MON2: variants seen among roughly 807,000 people sequenced by gnomAD.
MON2 encodes the protein protein MON2 homolog.
In MON2, 84 loss-of-function variants were observed where a neutral mutation model predicts 208.6. That is an observed-to-expected ratio of 0.40 (90% CI 0.34 to 0.48). The LOEUF is 0.48. Among genes scored for constraint, MON2 ranks in the 20% least tolerant of loss-of-function variants. The pLI is 0.59. For synonymous variants in MON2, 660 were observed against 694.0 expected, an observed-to-expected ratio of 0.95 and a Z score of 0.77; for missense variants, 1,611 against 2,015.4, an observed-to-expected ratio of 0.80 and a Z score of 3.84.
chr12:62,546,784 T>C (rs1173033938), intron 21 of MON2, 113 bp from the exon 22 acceptor site: 10 of 757,172 alleles, frequency 1.3e-5, no homozygotes, highest in South Asian at 8.2e-5. Context: ...CATAAAAATA[T>C]CTATTTCCCA....
rs533662479 is a variant in MON2, at chr12:62,519,972, C to A, written c.985-4543C>A. 8.1e-4 allele frequency among the ~76,000 whole-genome samples: 124 copies of A among 152,322 alleles called. 1 individual carries two copies. The highest frequency in any genetic ancestry group is 2.9e-3 in the African/African-American group (119 of 41,570). On this transcript the variant is annotated intron_variant, in intron 8 of 34. Coordinates refer to ENST00000393630, the MANE Select transcript of MON2 (RefSeq NM_015026.3). ...CTGGGACTACTGGCGCCTGCCACCA[C>A]GCCCGGCTAATTTTTTGTATTTTCA...
intron 27 of MON2, 182 bp from the exon 28 acceptor site, chr12:62,565,832 A>T: frequency 1.8e-6 from 1 of 546,892 alleles, no homozygotes; most frequent in Non-Finnish European, 3.2e-6. Context: ...TTTTATATAA[A>T]ATATTTTTAT....
chr12:62,500,786 T>C lies in MON2; in HGVS notation c.569T>C (p.Ile190Thr), dbSNP rs1213108928. The change falls in exon 6 of 35, where the codon ATT (isoleucine) becomes ACT (threonine). Residue 190 changes from isoleucine (I) to threonine (T), a missense_variant. Ile to Thr is a moderately conservative substitution (Grantham distance 89). Coordinates refer to ENST00000393630, the MANE Select transcript of MON2 (RefSeq NM_015026.3). ...MVAEDERHRD[I>T]IEQPVLVQGN... ...ACCCATCCTGTTTTGATTGCAGATA[T>C]TATAGAACAACCAGTACTGGTACAA... 1.3e-6 allele frequency: 2 copies of C among 1,559,726 alleles called. No individual in the cohort carries two copies. The highest frequency in any genetic ancestry group is 1.2e-5 in the South Asian group (1 of 83,860).
rs533500692 is a variant in MON2, at chr12:62,519,147, G to A, written c.985-5368G>A. Among the ~76,000 whole-genome samples, 6 of 152,232 alleles carry A rather than the reference G, an allele frequency of 3.9e-5. No individual in the cohort carries two copies. The South Asian group carries it at 1.2e-3, about 32-fold the overall frequency. On this transcript the variant is annotated intron_variant, in intron 8 of 34. Transcript: ENST00000393630. ...TTAATAAATAACCATGTGGAAGAGGGGGTGCTACCATTCAAAACACCCCGA... is the reference window on the plus strand; with the variant it reads ...TTAATAAATAACCATGTGGAAGAGGAGGTGCTACCATTCAAAACACCCCGA...
In MON2 at chr12:62,566,348, G is replaced by A. The variant is rs777161218; in HGVS notation, c.4221G>A (p.Val1407=). 4 of 1,613,310 alleles carry A rather than the reference G, an allele frequency of 2.5e-6. No individual in the cohort carries two copies. The South Asian group carries it at 3.3e-5, about 13-fold the overall frequency. Residue 1407 remains valine, a synonymous_variant, in exon 29 of 35, where the codon GTG becomes GTA. Transcript: ENST00000393630. ...APAEWVALNY[V]PFAERSLEVV... is the part of the protein sequence containing the mutation. The stretch of plus-strand genomic sequence containing the variant: ...CGGAATGGGTAGCCTTGAATTATGT[G>A]CCGTTTGCTGAAAGGTCTTTAGAAG...
chr12:62,537,070 A>C (rs2073011144), intron 14 of MON2, 81 bp from the exon 15 acceptor site: 4 of 809,304 alleles, frequency 4.9e-6, no homozygotes, highest in Non-Finnish European at 7.4e-6. Flanking sequence ...AACTTGGTTT[A>C]ATCAAACTTT....
At chr12:62,475,484 A>G (rs2069021980) in intron 1 of MON2, among the ~76,000 whole-genome samples, 1 of 152,036 alleles carries the variant, frequency 6.6e-6, no homozygotes, top group Non-Finnish European at 1.5e-5. Flanking sequence ...CTTTAAAAAA[A>G]AAAATTAATC....
intron 4 of MON2, among the ~76,000 whole-genome samples, chr12:62,496,307 T>C (rs2070483847): frequency 6.6e-6 from 1 of 152,154 alleles, no homozygotes; most frequent in Non-Finnish European, 1.5e-5. Context: ...ATGTTTTCAT[T>C]TGATCTACTA....
chr12:62,508,539 A>G, intron 8 of MON2, 59 bp downstream of exon 8: 1 of 1,518,264 alleles, frequency 6.6e-7, no homozygotes, highest in Non-Finnish European at 9.1e-7. Context: ...CCCTTTGTAA[A>G]AAGTGGTCTG....
chr12:62,541,808 C>T (rs1056608056), intron 19 of MON2, among the ~76,000 whole-genome samples: 6 of 152,058 alleles, frequency 3.9e-5, no homozygotes, highest in African/African-American at 1.4e-4. Context: ...CTTTGGATAC[C>T]TATACATATT....
In MON2 at chr12:62,592,807, G is replaced by T; in HGVS notation, c.*58G>T. ...GTCTAAAAAATGTTTGCTCCTAATT[G>T]AGTCTTCTGTGAGAAGGACATTTCT... is the stretch of plus-strand genomic sequence containing the variant. On this transcript the variant is annotated 3_prime_UTR_variant, in exon 35 of 35. Transcript: ENST00000393630. The T allele has an allele frequency of 3.4e-6, 5 of 1,471,988 alleles. No individual in the cohort carries two copies. In the South Asian group the frequency reaches 4.1e-5, roughly 12 times the overall value. The allele number at this position is 1,471,988 out of a possible 1,614,324, so 91.2% of individuals were successfully genotyped here.
intron 7 of MON2, among the ~76,000 whole-genome samples, chr12:62,504,401 C>A (rs1477563608): frequency 6.6e-6 from 1 of 151,706 alleles, no homozygotes; most frequent in Non-Finnish European, 1.5e-5. Flanking sequence ...CCCGCCACCA[C>A]GCCCGGCTAA....
chr12:62,472,394 G>A (rs750862461), intron 1 of MON2, among the ~76,000 whole-genome samples: 5 of 152,182 alleles, frequency 3.3e-5, no homozygotes, highest in Non-Finnish European at 5.9e-5. Flanking sequence ...TCAGAATTAG[G>A]GAATTGGATA....
chr12:62,518,713 G>A (rs2071833766), intron 8 of MON2, among the ~76,000 whole-genome samples: 1 of 152,162 alleles, frequency 6.6e-6, no homozygotes, highest in African/African-American at 2.4e-5. Flanking sequence ...GGAAGAGGAA[G>A]GCCTGTTTTC....
At chr12:62,579,470 T>C (rs916858384) in intron 31 of MON2, among the ~76,000 whole-genome samples, 1 of 151,604 alleles carries the variant, frequency 6.6e-6, no homozygotes, top group Non-Finnish European at 1.5e-5. Context: ...ACACCTGTAA[T>C]CTCAGCACTT....
chr12:62,578,646 C>A, intron 31 of MON2, 141 bp downstream of exon 31: 1 of 565,008 alleles, frequency 1.8e-6, no homozygotes, highest in South Asian at 2.9e-5. Flanking sequence ...ACAGGTTAAA[C>A]GTTGATGTTT....
intron 3 of MON2, among the ~76,000 whole-genome samples, chr12:62,494,715 A>G (rs1469990760): frequency 2.0e-5 from 3 of 152,222 alleles, no homozygotes; most frequent in Non-Finnish European, 4.4e-5. Flanking sequence ...TTCATGTCCA[A>G]ATACAATCTA....
At chr12:62,553,279 C>T (rs1259701311) in intron 24 of MON2, 105 bp downstream of exon 24, 4 of 1,105,418 alleles carry the variant, frequency 3.6e-6, no homozygotes, top group Admixed American at 2.4e-5. Flanking sequence ...AATTTCCATG[C>T]ATTTGTGTAT....
intron 31 of MON2, among the ~76,000 whole-genome samples, chr12:62,578,945 A>T (rs554915222): frequency 6.6e-6 from 1 of 152,170 alleles, no homozygotes; most frequent in East Asian, 1.9e-4. Flanking sequence ...TTTAAAGAAT[A>T]TATTTTGAGG....
Sources: allele counts gnomAD v4.1 joint callset (sites outside exome capture counted in the v4.1 genomes callset), GRCh38; gene constraint gnomAD v4.1.1; transcripts MANE v1.5; gene names NCBI Gene and HGNC (gene_info 2026-07-23, HGNC 2026-07-21).